The following LRGUK variants were observed in gnomAD, a reference collection of about 807,000 sequenced individuals.
LRGUK encodes leucine rich repeats and guanylate kinase domain containing, also known as leucine-rich repeat and guanylate kinase domain-containing protein.
A neutral mutation model predicts 76.0 loss-of-function variants in LRGUK; 65 were observed. The observed-to-expected ratio is 0.85, with a 90% CI of 0.70 to 1.05. LRGUK has a LOEUF of 1.05. Ranked by LOEUF, LRGUK falls within the 50% of genes least tolerant of loss-of-function variation. The probability of loss-of-function intolerance (pLI) is 0.00; values close to 1 mark genes in which losing one functional copy is unlikely to be tolerated. For synonymous variants in LRGUK, 268 were observed against 265.6 expected, an observed-to-expected ratio of 1.01 and a Z score of -0.09; for missense variants, 758 against 732.8, an observed-to-expected ratio of 1.03 and a Z score of -0.40.
intron 2 of LRGUK, among the ~76,000 whole-genome samples, chr7:134,138,504 T>G (rs762987871): frequency 2.8e-4 from 43 of 152,202 alleles, no homozygotes; most frequent in Non-Finnish European, 5.4e-4. Flanking sequence ...CATAAGTTTC[T>G]TAAGGGCACA....
At chr7:134,229,277 C>T (rs1198726925) in intron 16 of LRGUK, among the ~76,000 whole-genome samples, 1 of 151,978 alleles carries the variant, frequency 6.6e-6, no homozygotes, top group Non-Finnish European at 1.5e-5. Flanking sequence ...GCATGAGAAT[C>T]GCTTGAACCT....
downstream of LRGUK, among the ~76,000 whole-genome samples, chr7:134,268,746 T>TTTTTC (rs1563205944): frequency 8.3e-6 from 1 of 120,382 alleles, no homozygotes; most frequent in Admixed American, 8.2e-5. Flanking sequence ...TTTTTTTTTT[T>TTTTTC]TGAGACAGAG....
chr7:134,186,589 G>A (rs1417212212), intron 11 of LRGUK, among the ~76,000 whole-genome samples: 1 of 152,206 alleles, frequency 6.6e-6, no homozygotes, highest in Non-Finnish European at 1.5e-5. Context: ...AGAAGCATGG[G>A]TGATCTTCCC....
chr7:134,168,354 C>T (rs1799080711), intron 7 of LRGUK, among the ~76,000 whole-genome samples: 1 of 152,270 alleles, frequency 6.6e-6, no homozygotes, highest in African/African-American at 2.4e-5. Context: ...AACATCACGA[C>T]ACCCCCATCT....
chr7:134,133,934 T>C (rs112823051), intron 1 of LRGUK, among the ~76,000 whole-genome samples: 17,310 of 151,878 alleles, frequency 0.11, 1,256 homozygotes, highest in East Asian at 0.33. Context: ...TGGTGGCACA[T>C]GCCTGTAGAC....
intron 2 of LRGUK, among the ~76,000 whole-genome samples, chr7:134,139,221 C>T (rs965332413): frequency 4.6e-5 from 7 of 152,040 alleles, no homozygotes; most frequent in East Asian, 1.9e-4. Context: ...ACAACACTAA[C>T]GTTATTAAGC....
At chr7:134,163,610 A>C in intron 7 of LRGUK, 70 bp downstream of exon 7, 1 of 1,365,426 alleles carries the variant, frequency 7.3e-7, no homozygotes, top group East Asian at 2.4e-5. Flanking sequence ...CTTAGCACAC[A>C]CCCTTCATTT....
At chr7:134,228,157 C>G (rs974710190) in intron 16 of LRGUK, among the ~76,000 whole-genome samples, 1 of 152,264 alleles carries the variant, frequency 6.6e-6, no homozygotes, top group Admixed American at 6.5e-5. Context: ...ATTAGGTTGA[C>G]AGCGACTTTC....
chr7:134,127,383 A>AG lies in LRGUK; in HGVS notation c.19dup (p.Ala7GlyfsTer49), dbSNP rs964194887. Reference sequence around the variant, plus strand: ...GCTAAACAAGATGGCGACCTCCGAGAGGGCTCTCCTGAGGACCAGAGCTGC... The same window carrying AG: ...GCTAAACAAGATGGCGACCTCCGAGAGGGGCTCTCCTGAGGACCAGAGCTGC... On this transcript the variant is annotated frameshift_variant, in exon 1 of 16. Transcript: ENST00000645682. LOFTEE classifies it high-confidence loss of function. 6.2e-7 allele frequency: 1 copy of AG among 1,602,884 alleles called. No homozygotes were observed. Among genetic ancestry groups the AG allele is most frequent in the South Asian group, 1.1e-5 (1 of 90,688 alleles).
At chr7:134,228,136 A>T (rs541291050) in intron 16 of LRGUK, among the ~76,000 whole-genome samples, 20 of 152,216 alleles carry the variant, frequency 1.3e-4, no homozygotes, top group Non-Finnish European at 1.6e-4. Context: ...CTTTCAAAAA[A>T]AGTAATAACA....
chr7:134,135,765 C>G (rs1797501769), intron 1 of LRGUK, among the ~76,000 whole-genome samples: 1 of 152,192 alleles, frequency 6.6e-6, no homozygotes, highest in African/African-American at 2.4e-5. Context: ...ACGCCATTCT[C>G]CTGCCTCAGC....
exon 1 of LRGUK, chr7:134,127,623 G>A (rs750251558): frequency 1.2e-6 from 2 of 1,614,118 alleles, no homozygotes; most frequent in Non-Finnish European, 8.5e-7. Context: ...GGGCGAGGCG[G>A]GATCCGAGGA....
rs556166156 is a variant in LRGUK, at chr7:134,139,479, A to T, written c.449A>T (p.His150Leu). Residue 150 changes from histidine to leucine, a missense_variant, in exon 3 of 16, where the codon CAT becomes CTT. Transcript: ENST00000645682. ...GTTAGCATTCTCTGTGGATATGTTC[A>T]TCTACAGAAGTTGGATCTTTCAGCG... The T allele has an allele frequency of 3.1e-6, 5 of 1,610,838 alleles. No individual in the cohort carries two copies. The African/African-American group carries it at 6.7e-5, about 21-fold the overall frequency.
rs58530518 is a variant in LRGUK at position 134,263,363 on chromosome 7, G to A, written c.2348-482G>A. ...CTTGGTGAGCAGACCAATCTTTAGA[G>A]GGCATTAAATGAAGCTTCTATAGGA... On this transcript the variant is annotated intron_variant, in intron 19 of 19. Transcript: ENST00000285928. 1.9e-3 allele frequency among the ~76,000 whole-genome samples: 209 copies of A among 112,310 alleles called. 1 individual carries two copies. Among genetic ancestry groups the A allele is most frequent in the African/African-American group, 5.3e-3 (197 of 37,454 alleles). 73.7% of individuals were successfully genotyped at this position (112,310 alleles called of 152,430 possible).
intron 15 of LRGUK, among the ~76,000 whole-genome samples, chr7:134,203,660 C>T (rs1800880961): frequency 1.3e-5 from 2 of 152,102 alleles, no homozygotes; most frequent in Non-Finnish European, 2.9e-5. Context: ...TTTGACCTGT[C>T]TTAAAATAGG....
At chr7:134,193,786 C>G (rs1420192399) in intron 12 of LRGUK, among the ~76,000 whole-genome samples, 1 of 152,098 alleles carries the variant, frequency 6.6e-6, no homozygotes, top group East Asian at 1.9e-4. Flanking sequence ...CAGAACCCCC[C>G]TCTACACAGC....
At chr7:134,203,799 C>T (rs1268381092) in intron 15 of LRGUK, among the ~76,000 whole-genome samples, 1 of 152,156 alleles carries the variant, frequency 6.6e-6, no homozygotes, top group Non-Finnish European at 1.5e-5. Flanking sequence ...CTTTAGAAAG[C>T]CATCTCTATG....
chr7:134,215,436 C>T (rs909702288), intron 15 of LRGUK, among the ~76,000 whole-genome samples: 5 of 152,052 alleles, frequency 3.3e-5, no homozygotes, highest in African/African-American at 1.2e-4. Context: ...CAGACTTCCC[C>T]CCAGCTCTGG....
intron 16 of LRGUK, among the ~76,000 whole-genome samples, chr7:134,237,059 T>C (rs796935437): frequency 2.1e-5 from 3 of 143,118 alleles, no homozygotes; most frequent in African/African-American, 5.2e-5. Context: ...TCTTTTTTTT[T>C]TTTTTTTTTT....
Sources: allele counts gnomAD v4.1 joint callset (sites outside exome capture counted in the v4.1 genomes callset), GRCh38; gene constraint gnomAD v4.1.1; transcripts MANE v1.5; gene names NCBI Gene and HGNC (gene_info 2026-07-23, HGNC 2026-07-21).